NOX4: variants seen among roughly 807,000 people sequenced by gnomAD.
NOX4 encodes NADPH oxidase 4.
A neutral mutation model predicts 87.6 loss-of-function variants in NOX4; 69 were observed. That is an observed-to-expected ratio of 0.79 (90% CI 0.65 to 0.96). NOX4 has a LOEUF of 0.96. Ranked by LOEUF, NOX4 falls within the 40% of genes least tolerant of loss-of-function variation. NOX4 has a pLI of 0.00. For missense variants in NOX4, 680 were observed against 681.5 expected (o/e 1.00, Z 0.02); for synonymous variants, 275 against 238.2 (o/e 1.15, Z -1.42).
intron 6 of NOX4, among the ~76,000 whole-genome samples, chr11:89,438,461 CATATATATTATAT>C (rs1944210099): frequency 1.3e-5 from 1 of 75,208 alleles, no homozygotes; most frequent in African/African-American, 8.3e-5. Flanking sequence ...TAATATACAG[CATATATATTATAT>C]ACTATATATA....
intron 17 of NOX4, among the ~76,000 whole-genome samples, chr11:89,331,509 A>C (rs533779682): frequency 6.6e-6 from 1 of 151,912 alleles, no homozygotes; most frequent in Admixed American, 6.6e-5. Flanking sequence ...ATAAAATTTA[A>C]ATTACTATTG....
At chr11:89,393,946 T>C (rs182021158) in intron 11 of NOX4, among the ~76,000 whole-genome samples, 18 of 152,304 alleles carry the variant, frequency 1.2e-4, no homozygotes, top group African/African-American at 4.3e-4. Context: ...TTCCTTTTCT[T>C]CTGTCTGTAC....
chr11:89,556,519 T>A, the NOX4 span, among the ~76,000 whole-genome samples: 11 of 118,840 alleles, frequency 9.3e-5, no homozygotes, highest in African/African-American at 3.5e-4. Context: ...TGAAACTCCA[T>A]CAAGGGGAAG....
chr11:89,377,718 C>CA (rs1457589562), intron 11 of NOX4, among the ~76,000 whole-genome samples: 1 of 151,946 alleles, frequency 6.6e-6, no homozygotes, highest in Non-Finnish European at 1.5e-5. Flanking sequence ...TAATAAAAAT[C>CA]AAAAATGATT....
the NOX4 span, among the ~76,000 whole-genome samples, chr11:89,529,092 C>T: frequency 7.3e-5 from 11 of 151,722 alleles, no homozygotes; most frequent in South Asian, 4.2e-4. Flanking sequence ...AAAAAAAAGA[C>T]GAGGAAGAAA....
intron 7 of NOX4, among the ~76,000 whole-genome samples, chr11:89,425,263 C>A (rs1591196872): frequency 6.6e-6 from 1 of 151,928 alleles, no homozygotes; most frequent in Non-Finnish European, 1.5e-5. Flanking sequence ...TTTCTGTACA[C>A]CAATTTTTCA....
the NOX4 span, among the ~76,000 whole-genome samples, chr11:89,539,201 A>T: frequency 6.6e-6 from 1 of 152,292 alleles, no homozygotes; most frequent in South Asian, 2.1e-4. Context: ...TGGGAGGCCA[A>T]GACGGGCAGA....
the NOX4 span, among the ~76,000 whole-genome samples, chr11:89,549,723 G>C: frequency 2.6e-5 from 4 of 152,118 alleles, no homozygotes; most frequent in Non-Finnish European, 5.9e-5. Flanking sequence ...TCCTACTTAT[G>C]AGTCAGAACA....
At chr11:89,343,303 A>G (rs1364040301) in intron 13 of NOX4, among the ~76,000 whole-genome samples, 2 of 152,162 alleles carry the variant, frequency 1.3e-5, no homozygotes, top group African/African-American at 4.8e-5. Context: ...TCAGAAATAC[A>G]TTTTATTAAC....
intron 8 of NOX4, among the ~76,000 whole-genome samples, chr11:89,404,398 C>A (rs562663279): frequency 6.6e-6 from 1 of 152,172 alleles, no homozygotes; most frequent in African/African-American, 2.4e-5. Flanking sequence ...GAGTCAAATC[C>A]GCCTCCTAAC....
intron 5 of NOX4, among the ~76,000 whole-genome samples, chr11:89,442,557 T>C (rs1380080395): frequency 6.6e-6 from 1 of 152,082 alleles, no homozygotes; most frequent in Non-Finnish European, 1.5e-5. Flanking sequence ...GTTGATACAA[T>C]AAGCTATAAA....
chr11:89,340,815 G>A (rs1267509224), intron 14 of NOX4, among the ~76,000 whole-genome samples: 2 of 152,072 alleles, frequency 1.3e-5, no homozygotes, highest in Non-Finnish European at 2.9e-5. Flanking sequence ...CAAATAACTT[G>A]TAATGTGTTG....
chr11:89,507,162 C>T, the NOX4 span, among the ~76,000 whole-genome samples: 12 of 151,546 alleles, frequency 7.9e-5, no homozygotes, highest in East Asian at 1.9e-4. Context: ...GGGATAGCAA[C>T]GGATGTTATA....
At chr11:89,359,972 T>G (rs1195340869) in intron 12 of NOX4, among the ~76,000 whole-genome samples, 2 of 152,196 alleles carry the variant, frequency 1.3e-5, no homozygotes, top group African/African-American at 4.8e-5. Context: ...TTTTTTTAAA[T>G]GGCATCAAAA....
intron 2 of NOX4, among the ~76,000 whole-genome samples, chr11:89,453,377 T>A (rs1945052336): frequency 6.6e-6 from 1 of 152,188 alleles, no homozygotes; most frequent in African/African-American, 2.4e-5. Context: ...AAATGACCAA[T>A]CTTAAATAAG....
At chr11:89,495,576 C>T (rs969966442), upstream of NOX4, among the ~76,000 whole-genome samples, 3 of 152,054 alleles carry the variant, frequency 2.0e-5, no homozygotes, top group African/African-American at 7.2e-5. Flanking sequence ...TTTACAAGTT[C>T]CTGAGATTAG....
the NOX4 span, among the ~76,000 whole-genome samples, chr11:89,516,961 G>A: frequency 1.3e-5 from 2 of 148,708 alleles, no homozygotes; most frequent in South Asian, 2.1e-4. Flanking sequence ...GATGGCTGCA[G>A]TTTCCTCCTC....
intron 8 of NOX4, among the ~76,000 whole-genome samples, chr11:89,416,099 G>A (rs1942755064): frequency 2.0e-5 from 3 of 152,148 alleles, no homozygotes; most frequent in Non-Finnish European, 2.9e-5. Flanking sequence ...GGAGTAGGTA[G>A]AATACCTGTA....
the NOX4 span, among the ~76,000 whole-genome samples, chr11:89,512,105 C>A: frequency 6.6e-6 from 1 of 151,938 alleles, no homozygotes; most frequent in African/African-American, 2.4e-5. Flanking sequence ...GAAGCCAATA[C>A]ATTAATCTTT....
Sources: gnomAD v4.1 joint callset for allele counts (sites outside exome capture counted in the v4.1 genomes callset) on GRCh38, gnomAD v4.1.1 for gene constraint, MANE v1.5 for transcripts, NCBI Gene and HGNC (gene_info 2026-07-23, HGNC 2026-07-21) for gene names.